The following KCNH8 variants were observed in gnomAD, a reference collection of about 807,000 sequenced individuals.
KCNH8 encodes potassium voltage-gated channel subfamily H member 8, also known as voltage-gated delayed rectifier potassium channel KCNH8.
A neutral mutation model predicts 103.6 loss-of-function variants in KCNH8; 70 were observed. That is an observed-to-expected ratio of 0.68 (90% CI 0.56 to 0.82). The LOEUF (loss-of-function observed/expected upper bound fraction) is 0.82, where lower values mean the gene tolerates loss of function less well. Among genes scored for constraint, KCNH8 ranks in the 40% least tolerant of loss-of-function variants. KCNH8 has a pLI of 0.00. For synonymous variants in KCNH8, 498 were observed against 489.4 expected, an observed-to-expected ratio of 1.02 and a Z score of -0.23; for missense variants, 1,217 against 1,329.9, an observed-to-expected ratio of 0.92 and a Z score of 1.32.
chr3:19,216,659 T>C (rs7427756), intron 1 of KCNH8, among the ~76,000 whole-genome samples: 6,096 of 152,284 alleles, frequency 0.04, 421 homozygotes, highest in African/African-American at 0.14. Context: ...TAGTCCCTTT[T>C]GTGTAACTTC....
intron 7 of KCNH8, among the ~76,000 whole-genome samples, chr3:19,423,121 C>T (rs1242070188): frequency 1.3e-5 from 2 of 152,012 alleles, no homozygotes; most frequent in African/African-American, 2.4e-5. Flanking sequence ...ATAATCTTTT[C>T]TAAAGACTGA....
At chr3:19,329,738 A>G (rs1250300468) in intron 3 of KCNH8, among the ~76,000 whole-genome samples, 1 of 152,162 alleles carries the variant, frequency 6.6e-6, no homozygotes, top group African/African-American at 2.4e-5. Flanking sequence ...AAGCATTTCA[A>G]TTCCAGGAGA....
At chr3:19,154,976 T>C (rs571779211) in intron 1 of KCNH8, among the ~76,000 whole-genome samples, 1 of 152,332 alleles carries the variant, frequency 6.6e-6, no homozygotes, top group African/African-American at 2.4e-5. Context: ...TATGACCTAG[T>C]TCATATTTGG....
intron 10 of KCNH8, among the ~76,000 whole-genome samples, chr3:19,454,953 CA>C (rs2067508213): frequency 6.6e-6 from 1 of 152,232 alleles, no homozygotes; most frequent in African/African-American, 2.4e-5. Flanking sequence ...TTCCCTATAG[CA>C]ATATTGCCTT....
chr3:19,339,723 A>C (rs537481675), intron 3 of KCNH8, among the ~76,000 whole-genome samples: 1 of 152,170 alleles, frequency 6.6e-6, no homozygotes, highest in African/African-American at 2.4e-5. Context: ...CTTTTTTTAA[A>C]AGTAACATTC....
At chr3:19,495,937 C>T (rs980887948) in intron 11 of KCNH8, among the ~76,000 whole-genome samples, 1 of 152,000 alleles carries the variant, frequency 6.6e-6, no homozygotes, top group Non-Finnish European at 1.5e-5. Flanking sequence ...CTGTATTCCT[C>T]AGTATTTTAC....
At chr3:19,294,311 T>C (rs1478388572) in intron 3 of KCNH8, among the ~76,000 whole-genome samples, 3 of 152,210 alleles carry the variant, frequency 2.0e-5, no homozygotes, top group Non-Finnish European at 4.4e-5. Flanking sequence ...CGGTGATTGA[T>C]ATGTACTTCG....
At chr3:19,462,024 C>T (rs1377340047) in intron 11 of KCNH8, among the ~76,000 whole-genome samples, 1 of 152,170 alleles carries the variant, frequency 6.6e-6, no homozygotes, top group African/African-American at 2.4e-5. Context: ...GCCACATTTT[C>T]TTAATCCAGT....
intron 2 of KCNH8, among the ~76,000 whole-genome samples, chr3:19,263,600 C>T (rs559080614): frequency 5.3e-5 from 8 of 152,156 alleles, no homozygotes; most frequent in South Asian, 4.1e-4. Flanking sequence ...TTTGGGTAGT[C>T]GCTAGTCTGG....
chr3:19,345,633 T>C (rs1019069824), intron 4 of KCNH8, among the ~76,000 whole-genome samples: 1 of 152,100 alleles, frequency 6.6e-6, no homozygotes, highest in Non-Finnish European at 1.5e-5. Flanking sequence ...GTGTACCATT[T>C]TTTTTTACAA....
chr3:19,397,134 TA>T (rs974623456), intron 7 of KCNH8, among the ~76,000 whole-genome samples: 20 of 151,112 alleles, frequency 1.3e-4, no homozygotes, highest in Non-Finnish European at 1.9e-4. Context: ...ATTTGTCAAT[TA>T]AAAAAAAACA....
chr3:19,483,441 G>A (rs1335018688), intron 11 of KCNH8, among the ~76,000 whole-genome samples: 1 of 152,010 alleles, frequency 6.6e-6, no homozygotes, highest in African/African-American at 2.4e-5. Flanking sequence ...CAATAATTGA[G>A]GCTTTTAGGA....
intron 11 of KCNH8, among the ~76,000 whole-genome samples, chr3:19,481,856 G>A (rs922642152): frequency 1.3e-5 from 2 of 152,182 alleles, no homozygotes; most frequent in African/African-American, 4.8e-5. Flanking sequence ...AACACTGAGA[G>A]TCAGGATGCA....
intron 3 of KCNH8, among the ~76,000 whole-genome samples, chr3:19,325,237 C>A (rs1421568652): frequency 1.3e-5 from 2 of 151,978 alleles, no homozygotes; most frequent in African/African-American, 2.4e-5. Flanking sequence ...AACTCAAAAC[C>A]ATAAAAACCC....
chr3:19,247,556 T>C (rs1308640333), intron 1 of KCNH8, among the ~76,000 whole-genome samples: 1 of 152,238 alleles, frequency 6.6e-6, no homozygotes, highest in East Asian at 1.9e-4. Context: ...TTTCTTGCTC[T>C]GTGCAGGAAA....
chr3:19,298,434 T>C (rs1483473404), intron 3 of KCNH8, among the ~76,000 whole-genome samples: 2 of 152,224 alleles, frequency 1.3e-5, no homozygotes, highest in East Asian at 1.9e-4. Flanking sequence ...ATCTTTCATA[T>C]AGTTTTGAAG....
intron 1 of KCNH8, among the ~76,000 whole-genome samples, chr3:19,214,861 A>G (rs2063803698): frequency 6.6e-6 from 1 of 152,314 alleles, no homozygotes; most frequent in Middle Eastern, 3.4e-3. Context: ...TTCACCTTCA[A>G]CATGTTCTCC....
chr3:19,312,187 C>T (rs536085196), intron 3 of KCNH8, among the ~76,000 whole-genome samples: 1 of 151,906 alleles, frequency 6.6e-6, no homozygotes, highest in African/African-American at 2.4e-5. Flanking sequence ...AAACTTCATT[C>T]GAAATTATAA....
At chr3:19,311,049 C>T (rs886346647) in intron 3 of KCNH8, among the ~76,000 whole-genome samples, 8 of 151,696 alleles carry the variant, frequency 5.3e-5, no homozygotes, top group African/African-American at 1.9e-4. Flanking sequence ...CCTCCTTTCC[C>T]GTCTGCTTAT....
Sources: gnomAD v4.1 joint callset for allele counts (sites outside exome capture counted in the v4.1 genomes callset) on GRCh38, gnomAD v4.1.1 for gene constraint, MANE v1.5 for transcripts, NCBI Gene and HGNC (gene_info 2026-07-23, HGNC 2026-07-21) for gene names.